Variants in EXTL3 observed in about 807,000 individuals in gnomAD.
The protein encoded by EXTL3 is exostosin like glycosyltransferase 3, also known as exostosin-like 3.
In EXTL3, 27 loss-of-function variants were observed where a neutral mutation model predicts 69.3. The observed-to-expected ratio is 0.39, with a 90% CI of 0.29 to 0.54. The LOEUF (loss-of-function observed/expected upper bound fraction) is 0.54, where lower values mean the gene tolerates loss of function less well. Among genes scored for constraint, EXTL3 ranks in the 20% least tolerant of loss-of-function variants. The probability of loss-of-function intolerance (pLI) is 0.69; values close to 1 mark genes in which losing one functional copy is unlikely to be tolerated. For synonymous variants in EXTL3, 511 were observed against 499.4 expected (o/e 1.02, Z -0.31); for missense variants, 1,003 against 1,231.8 (o/e 0.81, Z 2.78).
intron 1 of EXTL3, among the ~76,000 whole-genome samples, chr8:28,657,655 T>G (rs1305595522): frequency 2.0e-5 from 3 of 149,582 alleles, no homozygotes; most frequent in African/African-American, 7.3e-5. Context: ...GTACACTCTA[T>G]TTTTTTGCTT....
In EXTL3 at chr8:28,716,929, C is replaced by A; in HGVS notation, c.870C>A (p.Asn290Lys). The change falls in exon 3 of 7, where the codon AAC becomes AAA. Residue 290 changes from asparagine (N) to lysine (K), a missense_variant. By Grantham distance (94) the Asn-to-Lys change is moderately conservative. This residue lies in a region of EXTL3 where 742 missense variants were observed against 815.4 expected (regional missense o/e 0.91). Transcript: ENST00000220562. This position sits in a 1 kb window ranked among gnomAD's most constrained non-coding sequence, Gnocchi z 7.1. Reference sequence around the variant, plus strand: ...CAGATACACAGAACCTTCTCTATAACGTCAGTACTGGCCGTGCCATGGTGG... The same window carrying A: ...CAGATACACAGAACCTTCTCTATAAAGTCAGTACTGGCCGTGCCATGGTGG... ...RKSDTQNLLY[N>K]VSTGRAMVAQ... 1 of 1,614,212 alleles carries A rather than the reference C, an allele frequency of 6.2e-7. No homozygotes were observed. Among genetic ancestry groups the A allele is most frequent in the Non-Finnish European group, 8.5e-7 (1 of 1,180,034 alleles).
intron 1 of EXTL3, among the ~76,000 whole-genome samples, chr8:28,671,994 T>A (rs764708104): frequency 6.6e-6 from 1 of 152,138 alleles, no homozygotes; most frequent in African/African-American, 2.4e-5. Context: ...AACAAAAACT[T>A]ATGTTCCTCC....
At chr8:28,707,731 G>A (rs1244444110) in intron 1 of EXTL3, among the ~76,000 whole-genome samples, 1 of 152,262 alleles carries the variant, frequency 6.6e-6, no homozygotes, top group Admixed American at 6.5e-5. Flanking sequence ...AATGTAGCAC[G>A]GTCCCGGTTT....
chr8:28,659,141 T>C (rs1462291742), intron 1 of EXTL3, among the ~76,000 whole-genome samples: 1 of 152,272 alleles, frequency 6.6e-6, no homozygotes, highest in African/African-American at 2.4e-5. Context: ...CATGGGGTGC[T>C]GTGCCAATTT....
At chr8:28,662,219 A>T (rs921393571) in intron 1 of EXTL3, among the ~76,000 whole-genome samples, 1 of 150,748 alleles carries the variant, frequency 6.6e-6, no homozygotes, top group Non-Finnish European at 1.5e-5. Context: ...ATGTTATATC[A>T]TTTTTTTTTC....
intron 1 of EXTL3, among the ~76,000 whole-genome samples, chr8:28,646,548 C>T (rs1197197470): frequency 6.6e-6 from 1 of 152,170 alleles, no homozygotes; most frequent in East Asian, 1.9e-4. Context: ...CTGGGGACTC[C>T]CCTCCTGGAA....
rs1470935090 is a variant in EXTL3, at chr8:28,664,345, T to A, written c.-53+41535T>A. On this transcript the variant is annotated intron_variant, in intron 1 of 6. Transcript: ENST00000523149. Reference sequence around the variant, plus strand: ...ATGTGGCCTTCCCTTGGTGAGTGCATGGGCAGAGACAGAATCTTTCTTTCC... The same window carrying A: ...ATGTGGCCTTCCCTTGGTGAGTGCAAGGGCAGAGACAGAATCTTTCTTTCC... Among the ~76,000 whole-genome samples the A allele has an allele frequency of 2.0e-5, 3 of 152,070 alleles. No individual in the cohort carries two copies. The East Asian group carries it at 5.8e-4, about 29-fold the overall frequency.
chr8:28,661,340 G>A (rs1346999678), intron 1 of EXTL3, among the ~76,000 whole-genome samples: 1 of 149,788 alleles, frequency 6.7e-6, no homozygotes, highest in Non-Finnish European at 1.5e-5. Context: ...TGAGCTTTAT[G>A]TTTTATATAT....
rs200615501 is a variant in EXTL3, at chr8:28,716,862, C to T, written c.803C>T (p.Thr268Met). 215 of 1,614,090 alleles carry T rather than the reference C, an allele frequency of 1.3e-4. 2 individuals carry two copies. In the Middle Eastern group the frequency reaches 3.3e-3, roughly 25 times the overall value. Residue 268 changes from threonine (T) to methionine (M), a missense_variant, in exon 3 of 7, where the codon ACG becomes ATG. Thr to Met is a moderately conservative substitution (Grantham distance 81). This residue lies in a region of EXTL3 where 742 missense variants were observed against 815.4 expected (regional missense o/e 0.91). Coordinates refer to ENST00000220562, the MANE Select transcript of EXTL3 (RefSeq NM_001440.4). This position sits in a 1 kb window ranked among gnomAD's most constrained non-coding sequence, Gnocchi z 7.1. The stretch of plus-strand genomic sequence containing the variant: ...TTGTATTCCCTGCCACACTGGCGGA[C>T]GGATGGACACAACCATGTCATCATC... ...KQLYSLPHWRTDGHNHVIINL... is the reference protein window; with the variant it reads ...KQLYSLPHWRMDGHNHVIINL...
upstream of EXTL3, among the ~76,000 whole-genome samples, chr8:28,619,842 GTTCTTTTTTTTTTTTTTTTTT>G (rs1806385784): frequency 2.2e-5 from 2 of 92,174 alleles, no homozygotes; most frequent in African/African-American, 7.3e-5. Flanking sequence ...AGGGCTTCTG[GTTCTTTTTTTTTTTTTTTTTT>G]TTTTTTTTTT....
chr8:28,707,215 A>G (rs1370932083), intron 1 of EXTL3, among the ~76,000 whole-genome samples: 1 of 152,246 alleles, frequency 6.6e-6, no homozygotes, highest in Non-Finnish European at 1.5e-5. Context: ...TGAATCCTCT[A>G]AGTAAACAAA....
At chr8:28,640,879 G>A (rs927167832) in intron 1 of EXTL3, among the ~76,000 whole-genome samples, 1 of 152,224 alleles carries the variant, frequency 6.6e-6, no homozygotes, top group African/African-American at 2.4e-5. Context: ...TGGGATTATA[G>A]GCGTGAGCCA....
In EXTL3 at chr8:28,627,488, C is replaced by T. The variant is rs80067730; in HGVS notation, c.-53+4678C>T. The stretch of plus-strand genomic sequence containing the variant: ...TTCCAGCCTGGGTGAGACCCTGTCT[C>T]AAAAAAAAAAAAAAAAAGTCTCCTT... On this transcript the variant is annotated intron_variant, in intron 1 of 6. Transcript: ENST00000523149. Among the ~76,000 whole-genome samples, 9 of 92,972 alleles carry T rather than the reference C, an allele frequency of 9.7e-5. 1 individual carries two copies. In the Middle Eastern group the frequency reaches 0.024, roughly 252 times the overall value. 61.0% of individuals were successfully genotyped at this position (92,972 alleles called of 152,430 possible).
At chr8:28,674,346 T>G (rs1431248840) in intron 1 of EXTL3, among the ~76,000 whole-genome samples, 1 of 152,190 alleles carries the variant, frequency 6.6e-6, no homozygotes, top group African/African-American at 2.4e-5. Flanking sequence ...ATGCTGGGAT[T>G]ACAGGTGTGA....
chr8:28,654,101 T>G (rs1806968836), intron 1 of EXTL3, among the ~76,000 whole-genome samples: 1 of 152,194 alleles, frequency 6.6e-6, no homozygotes, highest in African/African-American at 2.4e-5. Context: ...ACATTTTAAG[T>G]TAGTTGTTTG....
chr8:28,655,599 T>C (rs1806997572), intron 1 of EXTL3, among the ~76,000 whole-genome samples: 1 of 151,820 alleles, frequency 6.6e-6, no homozygotes, highest in Non-Finnish European at 1.5e-5. Flanking sequence ...TTAGGCGATC[T>C]TCCCACCTCA....
intron 2 of EXTL3, among the ~76,000 whole-genome samples, chr8:28,611,494 T>A (rs573516895): frequency 1.3e-5 from 2 of 152,156 alleles, no homozygotes; most frequent in African/African-American, 2.4e-5. Flanking sequence ...CTCATCTAGC[T>A]GTAATATTCT....
intron 2 of EXTL3, among the ~76,000 whole-genome samples, chr8:28,609,798 G>A (rs1806247937): frequency 6.6e-6 from 1 of 151,790 alleles, no homozygotes; most frequent in African/African-American, 2.4e-5. Context: ...GTTGAGGTGG[G>A]AGGTTCGCTT....
At chr8:28,695,992 A>G (rs890696958) in intron 1 of EXTL3, among the ~76,000 whole-genome samples, 6 of 152,074 alleles carry the variant, frequency 3.9e-5, no homozygotes, top group African/African-American at 7.2e-5. Context: ...ATCACGGCTC[A>G]CTGCAGCCTC....
Sources: gnomAD v4.1 joint callset for allele counts (sites outside exome capture counted in the v4.1 genomes callset) on GRCh38, gnomAD v4.1.1 for gene constraint, gnomAD v4.1.1 regional missense constraint, Gnocchi (gnomAD v3.1) non-coding constraint, MANE v1.5 for transcripts, NCBI Gene and HGNC (gene_info 2026-07-23, HGNC 2026-07-21) for gene names.